The following ACSM3 variants were observed in gnomAD, a reference collection of about 807,000 sequenced individuals.
ACSM3 encodes the protein acyl-coenzyme A synthetase ACSM3, mitochondrial.
A neutral mutation model predicts 74.1 loss-of-function variants in ACSM3; 61 were observed. The observed-to-expected ratio is 0.82, with a 90% CI of 0.67 to 1.02. The LOEUF is 1.02. Among genes scored for constraint, ACSM3 ranks in the 50% least tolerant of loss-of-function variants. The probability of loss-of-function intolerance (pLI) is 0.00; values close to 1 mark genes in which losing one functional copy is unlikely to be tolerated. For missense variants in ACSM3, 660 were observed against 697.0 expected (o/e 0.95, Z 0.60); for synonymous variants, 213 against 241.5 (o/e 0.88, Z 1.09).
chr16:20,682,207 C>G, intron 1 of ACSM3: 2 of 1,575,112 alleles, frequency 1.3e-6, no homozygotes, highest in Middle Eastern at 2.3e-4. Flanking sequence ...CCTAAATTAT[C>G]CCACAACAAC....
chr16:20,682,922 C>T (rs1048570693), intron 1 of ACSM3, among the ~76,000 whole-genome samples: 1 of 152,032 alleles, frequency 6.6e-6, no homozygotes, highest in African/African-American at 2.4e-5. Flanking sequence ...TTCTGTATTT[C>T]ACCACATTGT....
At position 20,784,991 on chromosome 16, in the gene ACSM3, T is replaced by C; in HGVS notation, c.1027T>C (p.Phe343Leu). Residue 343 changes from phenylalanine (F) to leucine (L), a missense_variant, in exon 8 of 14, where the codon TTT becomes CTT. By Grantham distance (22) the Phe-to-Leu change is conservative. Transcript: ENST00000289416. ...LVQNDITSYK[F>L]KSLKHCVSAG... is the part of the protein sequence containing the mutation. ...ATCTGGTTTTCTGAGAAGCTATAAG[T>C]TTAAAAGCTTAAAGCACTGTGTGAG... The C allele has an allele frequency of 6.2e-7, 1 of 1,612,144 alleles. No individual in the cohort carries two copies. The highest frequency in any genetic ancestry group is 1.3e-5 in the African/African-American group (1 of 74,948).
At chr16:20,792,160 T>G in intron 11 of ACSM3, 31 bp downstream of exon 11, 6 of 1,614,106 alleles carry the variant, frequency 3.7e-6, no homozygotes, top group Middle Eastern at 1.7e-4. Context: ...TGCATATGTC[T>G]GTGTTAACTG....
At chr16:20,726,295 T>C (rs920402213) in intron 1 of ACSM3, among the ~76,000 whole-genome samples, 1 of 152,240 alleles carries the variant, frequency 6.6e-6, no homozygotes, top group Non-Finnish European at 1.5e-5. Flanking sequence ...ACAATGTATA[T>C]TTGTTTAATT....
intron 3 of ACSM3, 52 bp downstream of exon 3, chr16:20,776,101 T>C: frequency 6.4e-7 from 1 of 1,573,392 alleles, no homozygotes; most frequent in Non-Finnish European, 8.7e-7. Flanking sequence ...GGAGGGGAGA[T>C]TTTCCAGAAC....
chr16:20,699,733 A>C (rs1475987559), intron 1 of ACSM3, among the ~76,000 whole-genome samples: 16 of 152,166 alleles, frequency 1.1e-4, no homozygotes. Context: ...ATGGACAAGA[A>C]GACAGGCTCT....
chr16:20,690,932 A>AG, intron 1 of ACSM3: 1 of 1,504,318 alleles, frequency 6.6e-7, no homozygotes, highest in Non-Finnish European at 9.0e-7. Context: ...TCAGCCTAGT[A>AG]GGAGCAAGAT....
At chr16:20,677,437 C>CT (rs1455776726) in intron 1 of ACSM3, among the ~76,000 whole-genome samples, 1 of 152,166 alleles carries the variant, frequency 6.6e-6, no homozygotes, top group East Asian at 1.9e-4. Flanking sequence ...AAAGCAATAG[C>CT]TGCCACTGCC....
intron 1 of ACSM3, chr16:20,691,172 C>A (rs374490052): frequency 1.0e-5 from 16 of 1,593,558 alleles, no homozygotes; most frequent in Middle Eastern, 3.4e-4. Context: ...GGTCCGGAAC[C>A]TCATTAGCCA....
At chr16:20,782,731 G>C (rs1029310822) in intron 7 of ACSM3, among the ~76,000 whole-genome samples, 1 of 152,184 alleles carries the variant, frequency 6.6e-6, no homozygotes, top group Non-Finnish European at 1.5e-5. Flanking sequence ...ACAAATCAGA[G>C]GTTCCCATGA....
chr16:20,704,241 T>C (rs2079721015), intron 1 of ACSM3, among the ~76,000 whole-genome samples: 2 of 152,200 alleles, frequency 1.3e-5, no homozygotes, highest in Admixed American at 6.5e-5. Context: ...TCCAGGCTTA[T>C]ATATGTATTA....
intron 1 of ACSM3, among the ~76,000 whole-genome samples, chr16:20,726,800 ATGTAAGTGACT>A (rs2152401603): frequency 6.6e-6 from 1 of 152,346 alleles, no homozygotes; most frequent in South Asian, 2.1e-4. Flanking sequence ...TGAGAATTTA[ATGTAAGTGACT>A]TGCTTGGTGA....
intron 1 of ACSM3, among the ~76,000 whole-genome samples, chr16:20,729,013 C>T (rs117179497): frequency 0.036 from 5,450 of 152,208 alleles, 141 homozygotes; most frequent in Non-Finnish European, 0.054. Flanking sequence ...AAGGCTGAGG[C>T]GACAGGATTG....
chr16:20,719,563 G>C (rs1275666698), intron 1 of ACSM3, among the ~76,000 whole-genome samples: 1 of 152,154 alleles, frequency 6.6e-6, no homozygotes, highest in Non-Finnish European at 1.5e-5. Context: ...GTGGGGCGGG[G>C]TGGGGGAAAC....
chr16:20,706,410 A>G (rs997850107), intron 1 of ACSM3, among the ~76,000 whole-genome samples: 3 of 152,276 alleles, frequency 2.0e-5, no homozygotes, highest in Admixed American at 1.3e-4. Flanking sequence ...AAGTGATGTC[A>G]GCAAGATGGC....
rs748225553 is a variant in ACSM3 at position 20,781,729 on chromosome 16, A to G, written c.961A>G (p.Thr321Ala). The G allele has an allele frequency of 6.2e-7, 1 of 1,613,270 alleles. No homozygotes were observed. Among genetic ancestry groups the G allele is most frequent in the African/African-American group, 1.3e-5 (1 of 75,018 alleles). ...ILQTLSKYPI[T>A]VFCSAPTVYR... ...GCAGACACTCTCCAAGTACCCCATC[A>G]CAGTCTTCTGTTCAGCACCAACTGT... Residue 321 changes from threonine (T) to alanine (A), a missense_variant, in exon 7 of 14, where the codon ACA becomes GCA. Transcript: ENST00000289416.
At chr16:20,698,790 T>G (rs1596480794) in intron 1 of ACSM3, 1 of 152,212 alleles carries the variant, frequency 6.6e-6, no homozygotes, top group East Asian at 1.9e-4. Flanking sequence ...ATTACAGGCA[T>G]GAGCCACAGC....
chr16:20,691,750 AATGTGTGTGTGTGT>A (rs2079654734), intron 1 of ACSM3, among the ~76,000 whole-genome samples: 1 of 87,900 alleles, frequency 1.1e-5, no homozygotes, highest in South Asian at 4.3e-4. Flanking sequence ...ATACCTCTCC[AATGTGTGTGTGTGT>A]GTGTGTGTGT....
chr16:20,713,252 A>C (rs1188740448), intron 1 of ACSM3, among the ~76,000 whole-genome samples: 1 of 152,096 alleles, frequency 6.6e-6, no homozygotes, highest in Admixed American at 6.6e-5. Context: ...TAGAGTAATC[A>C]CTCCATAAAT....
Sources: gnomAD v4.1 joint callset for allele counts (sites outside exome capture counted in the v4.1 genomes callset) on GRCh38, gnomAD v4.1.1 for gene constraint, MANE v1.5 for transcripts, NCBI Gene and HGNC (gene_info 2026-07-23, HGNC 2026-07-21) for gene names.